NTNG2: variants seen among roughly 807,000 people sequenced by gnomAD.
The protein encoded by NTNG2 is netrin-G2.
Under a neutral mutation model 47.6 loss-of-function variants are expected in NTNG2, and 15 were observed. The observed-to-expected ratio is 0.32, with a 90% CI of 0.21 to 0.49. The LOEUF (loss-of-function observed/expected upper bound fraction) is 0.49. NTNG2 is among the 20% of genes least tolerant of loss of function. The pLI, the probability that NTNG2 is intolerant of heterozygous loss-of-function variation, is 0.99. For synonymous variants in NTNG2, 307 were observed against 324.6 expected, an observed-to-expected ratio of 0.95 and a Z score of 0.58; for missense variants, 578 against 764.6, an observed-to-expected ratio of 0.76 and a Z score of 2.88.
chr9:132,242,259 C>A lies in NTNG2; in HGVS notation c.*148C>A, dbSNP rs1186872616. The A allele has an allele frequency of 8.9e-6, 2 of 225,266 alleles. No homozygotes were observed. The highest frequency in any genetic ancestry group is 2.8e-4 in the East Asian group (2 of 7,074). The allele number at this position is 225,266 out of a possible 1,614,324, so 14.0% of individuals were successfully genotyped here. A position where few individuals can be genotyped will look rare whatever the true frequency, so the allele number is the denominator to read the frequency against. Reference sequence around the variant, plus strand: ...AGCAGGGCCCCCCGCCCGGCCCGCGCTCCCGCCCGCACTGCCCTCCCCCCG... The same window carrying A: ...AGCAGGGCCCCCCGCCCGGCCCGCGATCCCGCCCGCACTGCCCTCCCCCCG... On this transcript the variant is annotated 3_prime_UTR_variant, in exon 8 of 8. Coordinates refer to ENST00000393229, the MANE Select transcript of NTNG2 (RefSeq NM_032536.4). This position sits in a 1 kb window ranked among gnomAD's most constrained non-coding sequence, Gnocchi z 5.9.
rs550980966 is a variant in NTNG2, at chr9:132,231,018, C to A, written c.1054+423C>A. Reference sequence around the variant, plus strand: ...CTCCTGCCAGTCAAGAGTGGGGTGACCTTCCCCCACCAGGGGCAGAATCCA... The same window carrying A: ...CTCCTGCCAGTCAAGAGTGGGGTGAACTTCCCCCACCAGGGGCAGAATCCA... On this transcript the variant is annotated intron_variant, in intron 5 of 7. Coordinates refer to ENST00000393229, the MANE Select transcript of NTNG2 (RefSeq NM_032536.4). The surrounding 1 kb of genome is among the most constrained non-coding windows in gnomAD (Gnocchi z 4.1). Among the ~76,000 whole-genome samples the A allele has an allele frequency of 3.9e-5, 6 of 152,166 alleles. No individual in the cohort carries two copies. In the East Asian group the frequency reaches 1.2e-3, roughly 30 times the overall value.
intron 2 of NTNG2, among the ~76,000 whole-genome samples, chr9:132,170,489 G>C (rs367869133): frequency 6.6e-6 from 1 of 152,166 alleles, no homozygotes; most frequent in African/African-American, 2.4e-5. Flanking sequence ...GAAGGGCGAC[G>C]GGCAAAGGCA....
chr9:132,190,057 C>A (rs1472251407), intron 2 of NTNG2, among the ~76,000 whole-genome samples: 1 of 148,856 alleles, frequency 6.7e-6, no homozygotes, highest in South Asian at 2.1e-4. Flanking sequence ...CACGGTGAAA[C>A]CCCGTCTCTA....
At chr9:132,185,296 A>G (rs1326259505) in intron 2 of NTNG2, among the ~76,000 whole-genome samples, 1 of 152,150 alleles carries the variant, frequency 6.6e-6, no homozygotes, top group East Asian at 1.9e-4. Context: ...AGCCCAGGGC[A>G]GCTCTCAGAG....
intron 2 of NTNG2, among the ~76,000 whole-genome samples, chr9:132,193,108 T>TGGGCA (rs1477083850): frequency 2.0e-5 from 3 of 152,166 alleles, no homozygotes; most frequent in Non-Finnish European, 4.4e-5. Flanking sequence ...ATCAGGGGCC[T>TGGGCA]GGGCAGGGCA....
At chr9:132,202,260 G>T (rs530245099) in intron 3 of NTNG2, among the ~76,000 whole-genome samples, 4 of 152,332 alleles carry the variant, frequency 2.6e-5, no homozygotes, top group African/African-American at 9.6e-5. Context: ...TAGGCAGGAG[G>T]GGGAGGACAG....
chr9:132,201,628 C>A (rs1047445079), intron 3 of NTNG2, among the ~76,000 whole-genome samples: 2 of 152,180 alleles, frequency 1.3e-5, no homozygotes, highest in Admixed American at 1.3e-4. Context: ...TCTGGGGATT[C>A]CCTCAGAATT....
chr9:132,231,669 G>A lies in NTNG2; in HGVS notation c.1054+1074G>A, dbSNP rs1414992574. The A allele has an allele frequency of 4.5e-5, 12 of 264,082 alleles. No homozygotes were observed. The highest frequency in any genetic ancestry group is 8.3e-5 in the Non-Finnish European group (11 of 133,082). The allele number at this position is 264,082 out of a possible 1,614,324, so 16.4% of individuals were successfully genotyped here. The stretch of plus-strand genomic sequence containing the variant: ...CATCAGCAGGTCCCAGAAAGACCCC[G>A]ACCCCAAAGGCCCTGTGGCCACTGC... On this transcript the variant is annotated intron_variant, in intron 5 of 7. Coordinates refer to ENST00000393229, the MANE Select transcript of NTNG2 (RefSeq NM_032536.4). This position sits in a 1 kb window ranked among gnomAD's most constrained non-coding sequence, Gnocchi z 4.1.
chr9:132,174,912 A>G (rs1175804409), intron 2 of NTNG2, among the ~76,000 whole-genome samples: 2 of 51,400 alleles, frequency 3.9e-5, no homozygotes, highest in African/African-American at 2.0e-4. Context: ...ACAGAGCAAG[A>G]CTCTGTCTCA....
At position 132,241,903 on chromosome 9, in the gene NTNG2, T is replaced by C; in HGVS notation, c.1385T>C (p.Leu462Pro). The change falls in exon 8 of 8, where the codon CTG (leucine) becomes CCG (proline). Residue 462 changes from leucine (L) to proline (P), a missense_variant. By Grantham distance (98) the Leu-to-Pro change is moderately conservative. Coordinates refer to ENST00000393229, the MANE Select transcript of NTNG2 (RefSeq NM_032536.4). Reference protein sequence around the residue: ...YPNVCDDDQLLCQNGGTCLQN... With the variant: ...YPNVCDDDQLPCQNGGTCLQN... ...AACGTGTGCGACGACGACCAGCTGCTGTGCCAGAACGGAGGCACCTGCCTG... is the reference window on the plus strand; with the variant it reads ...AACGTGTGCGACGACGACCAGCTGCCGTGCCAGAACGGAGGCACCTGCCTG... The C allele has an allele frequency of 6.3e-7, 1 of 1,578,292 alleles. No homozygotes were observed. The highest frequency in any genetic ancestry group is 8.6e-7 in the Non-Finnish European group (1 of 1,168,718).
chr9:132,216,404 CTCTCTCTCTCTGTGTGTGTGTGTATGTG>C (rs1215387599), intron 3 of NTNG2, among the ~76,000 whole-genome samples: 2 of 94,952 alleles, frequency 2.1e-5, no homozygotes, highest in Non-Finnish European at 3.9e-5. Context: ...CTCTCTCTCT[CTCTCTCTCTCTGTGTGTGTGTGTATGTG>C]TGTGTGTGTG....
chr9:132,188,878 A>C (rs1272406049), intron 2 of NTNG2, among the ~76,000 whole-genome samples: 2 of 152,156 alleles, frequency 1.3e-5, no homozygotes, highest in African/African-American at 4.8e-5. Flanking sequence ...GGACAGGATC[A>C]GATGTGGTCG....
At chr9:132,229,042 T>A (rs937435925) in intron 4 of NTNG2, among the ~76,000 whole-genome samples, 1 of 151,950 alleles carries the variant, frequency 6.6e-6, no homozygotes, top group Non-Finnish European at 1.5e-5. Context: ...GGCAGCTGGG[T>A]CTTCCTTACT....
At position 132,180,687 on chromosome 9, in the gene NTNG2, G is replaced by A. The variant is rs879850706; in HGVS notation, c.213+13643G>A. Among the ~76,000 whole-genome samples the A allele has an allele frequency of 6.6e-5, 10 of 152,138 alleles. No individual in the cohort carries two copies. Among genetic ancestry groups the A allele is most frequent in the Admixed American group, 1.3e-4 (2 of 15,280 alleles). ...CCCCCAGATTCTGCTTCAGGGAGAC[G>A]GAGAGAGAGAGAAAGAGAAAGAACG... is the stretch of plus-strand genomic sequence containing the variant. On this transcript the variant is annotated intron_variant, in intron 2 of 7. Coordinates refer to ENST00000393229, the MANE Select transcript of NTNG2 (RefSeq NM_032536.4). The surrounding 1 kb of genome is among the most constrained non-coding windows in gnomAD (Gnocchi z 4.2).
At chr9:132,183,856 T>C (rs760220558) in intron 2 of NTNG2, among the ~76,000 whole-genome samples, 5 of 152,102 alleles carry the variant, frequency 3.3e-5, no homozygotes, top group Non-Finnish European at 7.4e-5. Context: ...AATTACTCGA[T>C]TGGTTAGTTT....
chr9:132,205,836 G>C (rs762216171), intron 3 of NTNG2, among the ~76,000 whole-genome samples: 6 of 152,062 alleles, frequency 3.9e-5, no homozygotes, highest in Non-Finnish European at 8.8e-5. Context: ...AACTGAGATC[G>C]CACCACTGCA....
intron 3 of NTNG2, among the ~76,000 whole-genome samples, chr9:132,217,918 C>G (rs773686144): frequency 6.6e-5 from 10 of 152,230 alleles, no homozygotes; most frequent in Admixed American, 2.0e-4. Flanking sequence ...GGGCACCGCT[C>G]TGTGCCAGGG....
intron 3 of NTNG2, among the ~76,000 whole-genome samples, chr9:132,223,111 C>T (rs574654433): frequency 2.0e-5 from 3 of 152,028 alleles, no homozygotes; most frequent in Non-Finnish European, 2.9e-5. Context: ...GAGACTCGGT[C>T]TCAAAAAGCA....
At position 132,218,587 on chromosome 9, in the gene NTNG2, G is replaced by A. The variant is rs754650774; in HGVS notation, c.858-8262G>A. Among the ~76,000 whole-genome samples, 5 of 152,078 alleles carry A rather than the reference G, an allele frequency of 3.3e-5. No individual in the cohort carries two copies. Among genetic ancestry groups the A allele is most frequent in the Non-Finnish European group, 7.4e-5 (5 of 68,024 alleles). The stretch of plus-strand genomic sequence containing the variant: ...CCTCGGCCTACTGCAACCTCCACCT[G>A]TTGGGTTCAAGCGATCCTCCTGCCT... On this transcript the variant is annotated intron_variant, in intron 3 of 7. Coordinates refer to ENST00000393229, the MANE Select transcript of NTNG2 (RefSeq NM_032536.4). This position sits in a 1 kb window ranked among gnomAD's most constrained non-coding sequence, Gnocchi z 5.4.
Sources: allele counts gnomAD v4.1 joint callset (sites outside exome capture counted in the v4.1 genomes callset), GRCh38; gene constraint gnomAD v4.1.1; non-coding constraint Gnocchi (gnomAD v3.1); transcripts MANE v1.5; gene names NCBI Gene and HGNC (gene_info 2026-07-23, HGNC 2026-07-21).